Variants in LRRC4C observed in about 807,000 individuals in gnomAD.
The protein encoded by LRRC4C is leucine-rich repeat-containing protein 4C.
LRRC4C carries 5 observed loss-of-function variants against 33.6 expected under a neutral mutation model. The ratio of observed to expected loss-of-function variants is 0.15; its 90% confidence interval spans 0.08 to 0.31. The LOEUF (loss-of-function observed/expected upper bound fraction) is 0.31. LRRC4C is among the 10% of genes least tolerant of loss of function. The pLI is 1.00. For missense variants in LRRC4C, 560 were observed against 796.7 expected, an observed-to-expected ratio of 0.70 and a Z score of 3.58; for synonymous variants, 329 against 302.0, an observed-to-expected ratio of 1.09 and a Z score of -0.93.
At chr11:40,187,901 G>T (rs1185951098) in intron 5 of LRRC4C, among the ~76,000 whole-genome samples, 1 of 152,132 alleles carries the variant, frequency 6.6e-6, no homozygotes, top group Non-Finnish European at 1.5e-5. Context: ...GTGTGTGGGG[G>T]TCGGGGAAAG....
chr11:40,135,925 A>C (rs996882126), intron 6 of LRRC4C, among the ~76,000 whole-genome samples: 1 of 152,250 alleles, frequency 6.6e-6, no homozygotes, highest in African/African-American at 2.4e-5. Context: ...ATTATGATAT[A>C]GGTGTCATTC....
intron 2 of LRRC4C, among the ~76,000 whole-genome samples, chr11:40,871,303 T>C (rs1954630923): frequency 6.6e-6 from 1 of 152,062 alleles, no homozygotes; most frequent in South Asian, 2.1e-4. Context: ...ACCCACACCG[T>C]ATTCGTACAC....
chr11:40,315,479 T>C (rs998842182), intron 4 of LRRC4C, among the ~76,000 whole-genome samples: 7 of 151,918 alleles, frequency 4.6e-5, no homozygotes, highest in African/African-American at 1.5e-4. Context: ...TGTAAAATTA[T>C]TAATGTCACA....
intron 3 of LRRC4C, among the ~76,000 whole-genome samples, chr11:40,413,064 T>C (rs952522364): frequency 1.3e-5 from 2 of 152,084 alleles, no homozygotes; most frequent in African/African-American, 4.8e-5. Flanking sequence ...GGCGAATTTA[T>C]CTAGACAATG....
intron 1 of LRRC4C, among the ~76,000 whole-genome samples, chr11:41,199,634 G>A (rs1342915476): frequency 6.6e-6 from 1 of 152,020 alleles, no homozygotes; most frequent in Non-Finnish European, 1.5e-5. Context: ...TTTTCACTTA[G>A]AGCATTTAAT....
At chr11:41,326,258 G>C (rs1356220368) in intron 1 of LRRC4C, among the ~76,000 whole-genome samples, 4 of 152,132 alleles carry the variant, frequency 2.6e-5, no homozygotes, top group Non-Finnish European at 4.4e-5. Flanking sequence ...TGAACATTGG[G>C]CTCGAAGTTC....
At position 41,041,841 on chromosome 11, in the gene LRRC4C, T is replaced by C. The variant is rs375104111; in HGVS notation, c.-495-108118A>G. 4.3e-4 allele frequency among the ~76,000 whole-genome samples: 65 copies of C among 152,284 alleles called. 1 individual carries two copies. Among genetic ancestry groups the C allele is most frequent in the South Asian group, 3.7e-3 (18 of 4,824 alleles). ...TTGTACTCATACACTCAAATACATA[T>C]AGTCACACAATTATGGATTCACAAA... On this transcript the variant is annotated intron_variant, in intron 1 of 6. Coordinates refer to ENST00000528697, the MANE Select transcript of LRRC4C (RefSeq NM_001258419.2).
At chr11:41,104,545 A>G (rs1336842345) in intron 1 of LRRC4C, among the ~76,000 whole-genome samples, 1 of 151,986 alleles carries the variant, frequency 6.6e-6, no homozygotes, top group Non-Finnish European at 1.5e-5. Flanking sequence ...ACATTGGCAA[A>G]CAGTTCATCA....
intron 1 of LRRC4C, among the ~76,000 whole-genome samples, chr11:41,410,251 G>C (rs930048818): frequency 2.0e-5 from 3 of 152,020 alleles, no homozygotes; most frequent in Non-Finnish European, 2.9e-5. Flanking sequence ...CAGATCACAG[G>C]GTAGATAACT....
In LRRC4C at chr11:40,692,015, C is replaced by A. The variant is rs76042771; in HGVS notation, c.-406-43737G>T. ...ACAATTGAAGTGACCAGACCTTTTT[C>A]TTTCAGAAAATAGACACCATTTATT... On this transcript the variant is annotated intron_variant, in intron 2 of 6. Coordinates refer to ENST00000528697, the MANE Select transcript of LRRC4C (RefSeq NM_001258419.2). Among the ~76,000 whole-genome samples the A allele has an allele frequency of 6.6e-3, 1,009 of 152,080 alleles. 6 individuals carry two copies. The highest frequency in any genetic ancestry group is 9.3e-3 in the Non-Finnish European group (630 of 67,958).
intron 5 of LRRC4C, among the ~76,000 whole-genome samples, chr11:40,212,222 T>A (rs1481253491): frequency 6.6e-6 from 1 of 152,202 alleles, no homozygotes; most frequent in Non-Finnish European, 1.5e-5. Flanking sequence ...ATCATTGTTC[T>A]TGTTGCAGTT....
intron 3 of LRRC4C, among the ~76,000 whole-genome samples, chr11:40,637,757 T>C (rs1941838142): frequency 6.6e-6 from 1 of 152,212 alleles, no homozygotes; most frequent in Admixed American, 6.5e-5. Context: ...AATTATCATC[T>C]TCCACATGGA....
At chr11:41,252,482 C>T (rs1011688584) in intron 1 of LRRC4C, among the ~76,000 whole-genome samples, 1 of 152,034 alleles carries the variant, frequency 6.6e-6, no homozygotes, top group South Asian at 2.1e-4. Flanking sequence ...AATCCGGACC[C>T]AATAGTCAGG....
chr11:41,021,252 C>T (rs1212750923), intron 1 of LRRC4C, among the ~76,000 whole-genome samples: 1 of 142,288 alleles, frequency 7.0e-6, no homozygotes, highest in African/African-American at 2.7e-5. Context: ...TTTAATTCAG[C>T]ATCTCCAACT....
chr11:40,316,264 A>T (rs1483103984), intron 4 of LRRC4C, among the ~76,000 whole-genome samples: 1 of 152,006 alleles, frequency 6.6e-6, no homozygotes, highest in Non-Finnish European at 1.5e-5. Flanking sequence ...AAATAAGTAG[A>T]ACTCTATTTG....
chr11:40,815,573 T>C (rs2135420852), intron 2 of LRRC4C, among the ~76,000 whole-genome samples: 1 of 152,338 alleles, frequency 6.6e-6, no homozygotes, highest in African/African-American at 2.4e-5. Context: ...CACCTTATTC[T>C]ACCACCCATA....
intron 1 of LRRC4C, among the ~76,000 whole-genome samples, chr11:41,378,729 A>T (rs1313302715): frequency 6.6e-6 from 1 of 152,138 alleles, no homozygotes; most frequent in African/African-American, 2.4e-5. Context: ...ATGAAGATGT[A>T]TGATTTCATT....
chr11:40,332,332 C>G (rs527493044), intron 3 of LRRC4C, among the ~76,000 whole-genome samples: 55 of 152,242 alleles, frequency 3.6e-4, no homozygotes, highest in African/African-American at 1.3e-3. Context: ...ATTTCTGTCT[C>G]CATCTTCATA....
At chr11:41,393,562 G>T (rs1456211458) in intron 1 of LRRC4C, among the ~76,000 whole-genome samples, 1 of 151,666 alleles carries the variant, frequency 6.6e-6, no homozygotes, top group Non-Finnish European at 1.5e-5. Context: ...CTGGTTCCAG[G>T]GTGAACATAA....
Sources: allele counts gnomAD v4.1 joint callset (sites outside exome capture counted in the v4.1 genomes callset), GRCh38; gene constraint gnomAD v4.1.1; transcripts MANE v1.5; gene names NCBI Gene and HGNC (gene_info 2026-07-23, HGNC 2026-07-21).